KCNG3: variants seen among roughly 807,000 people sequenced by gnomAD.
KCNG3 encodes the protein voltage-gated potassium channel regulatory subunit KCNG3.
In KCNG3, 15 loss-of-function variants were observed where a neutral mutation model predicts 29.0. The ratio of observed to expected loss-of-function variants is 0.52; its 90% CI spans 0.35 to 0.80. The LOEUF (loss-of-function observed/expected upper bound fraction) is 0.80, where lower values mean the gene tolerates loss of function less well. Among genes scored for constraint, KCNG3 ranks in the 30% least tolerant of loss-of-function variants. KCNG3 has a pLI of 0.01. For synonymous variants in KCNG3, 322 were observed against 248.9 expected (o/e 1.29, Z -2.76); for missense variants, 512 against 605.7 (o/e 0.85, Z 1.62).
chr2:42,472,892 T>TAA, intron 1 of KCNG3, among the ~76,000 whole-genome samples: 1 of 98,780 alleles, frequency 1.0e-5, no homozygotes, highest in African/African-American at 4.3e-5. Flanking sequence ...TATCGATAGA[T>TAA]ATATATATAT....
chr2:42,409,214 C>G, the KCNG3 span, among the ~76,000 whole-genome samples: 2 of 151,998 alleles, frequency 1.3e-5, no homozygotes, highest in Non-Finnish European at 1.5e-5. Flanking sequence ...CCAGCGGGCC[C>G]GAGCAAAACT....
At chr2:42,490,998 C>CA (rs1281075109) in intron 1 of KCNG3, among the ~76,000 whole-genome samples, 1 of 152,186 alleles carries the variant, frequency 6.6e-6, no homozygotes, top group African/African-American at 2.4e-5. Flanking sequence ...TACCTACACT[C>CA]AGACAGTGAA....
At chr2:42,485,053 A>C (rs1457810810) in intron 1 of KCNG3, among the ~76,000 whole-genome samples, 1 of 152,214 alleles carries the variant, frequency 6.6e-6, no homozygotes, top group African/African-American at 2.4e-5. Context: ...ATTGAACTGA[A>C]AGGCAATCGA....
chr2:42,404,075 C>T, the KCNG3 span, among the ~76,000 whole-genome samples: 8 of 152,210 alleles, frequency 5.3e-5, no homozygotes, highest in Middle Eastern at 3.4e-3. Flanking sequence ...CTGGGAAAAC[C>T]GGCCCATAAA....
intron 1 of KCNG3, among the ~76,000 whole-genome samples, chr2:42,461,619 G>T (rs556029776): frequency 6.6e-6 from 1 of 152,212 alleles, no homozygotes; most frequent in South Asian, 2.1e-4. Context: ...TCTCCACTCC[G>T]GGTGGGCCCC....
the KCNG3 span, among the ~76,000 whole-genome samples, chr2:42,407,502 C>G: frequency 6.6e-6 from 1 of 152,184 alleles, no homozygotes; most frequent in East Asian, 1.9e-4. Context: ...GGCTGCACAC[C>G]CTGTGGAGCC....
At chr2:42,408,619 C>G in the KCNG3 span, among the ~76,000 whole-genome samples, 1 of 152,178 alleles carries the variant, frequency 6.6e-6, no homozygotes, top group Non-Finnish European at 1.5e-5. Flanking sequence ...GAGCTGCCCC[C>G]TGTGGTAGAC....
At chr2:42,392,287 AC>A in the KCNG3 span, among the ~76,000 whole-genome samples, 626 of 152,092 alleles carry the variant, frequency 4.1e-3, 2 homozygotes, top group Non-Finnish European at 6.9e-3. Flanking sequence ...CTGCCAGGTC[AC>A]CTGGTCCCTT....
chr2:42,471,248 A>C (rs1673281835), intron 1 of KCNG3, among the ~76,000 whole-genome samples: 1 of 152,094 alleles, frequency 6.6e-6, no homozygotes, highest in African/African-American at 2.4e-5. Context: ...CATAATAATC[A>C]AAAAGTAAAA....
chr2:42,427,581 G>C, the KCNG3 span, among the ~76,000 whole-genome samples: 1 of 151,580 alleles, frequency 6.6e-6, no homozygotes, highest in Non-Finnish European at 1.5e-5. Flanking sequence ...ACTCAAGCCT[G>C]GCATCAGAGT....
At chr2:42,429,713 C>A in the KCNG3 span, among the ~76,000 whole-genome samples, 3 of 152,288 alleles carry the variant, frequency 2.0e-5, no homozygotes, top group Admixed American at 2.0e-4. Flanking sequence ...GGGAGCCTAG[C>A]TTTTAAAACC....
At chr2:42,445,725 T>G (rs970462227) in intron 1 of KCNG3, among the ~76,000 whole-genome samples, 2 of 99,546 alleles carry the variant, frequency 2.0e-5, no homozygotes, top group Admixed American at 2.7e-4. Flanking sequence ...AGTCAAGGGA[T>G]AGGATTCCTT....
downstream of KCNG3, among the ~76,000 whole-genome samples, chr2:42,441,584 C>T (rs1672478807): frequency 1.3e-5 from 2 of 151,802 alleles, no homozygotes; most frequent in Admixed American, 6.6e-5. Flanking sequence ...CTAGTATTTA[C>T]CCAACATGCT....
the KCNG3 span, among the ~76,000 whole-genome samples, chr2:42,424,408 G>A: frequency 6.8e-6 from 1 of 146,784 alleles, no homozygotes; most frequent in Non-Finnish European, 1.5e-5. Flanking sequence ...GTTCGGGATA[G>A]ACTATGAAAA....
intron 1 of KCNG3, among the ~76,000 whole-genome samples, chr2:42,455,544 T>C (rs1672856454): frequency 6.6e-6 from 1 of 152,202 alleles, no homozygotes; most frequent in African/African-American, 2.4e-5. Flanking sequence ...GAGAACTGCT[T>C]GAGCCCAGGA....
the KCNG3 span, among the ~76,000 whole-genome samples, chr2:42,434,647 CA>C: frequency 1.3e-5 from 1 of 77,096 alleles, no homozygotes; most frequent in East Asian, 4.0e-4. Context: ...GCCTAAGCAA[CA>C]AGAGTGAAAC....
downstream of KCNG3, among the ~76,000 whole-genome samples, chr2:42,439,896 G>A (rs529737083): frequency 3.1e-4 from 47 of 152,180 alleles, no homozygotes; most frequent in Non-Finnish European, 4.9e-4. Context: ...ACCCGCCTCG[G>A]CCTCCCAAAG....
At chr2:42,473,433 T>A (rs1393013928) in intron 1 of KCNG3, among the ~76,000 whole-genome samples, 1 of 151,860 alleles carries the variant, frequency 6.6e-6, no homozygotes, top group Non-Finnish European at 1.5e-5. Flanking sequence ...CACTGCAACC[T>A]CCGCCTCCCA....
chr2:42,388,450 G>C, the KCNG3 span: 3 of 152,214 alleles, frequency 2.0e-5, no homozygotes, highest in African/African-American at 7.2e-5. Flanking sequence ...CATACTCACT[G>C]TCTTAGCTTG....
Sources: gnomAD v4.1 joint callset for allele counts (sites outside exome capture counted in the v4.1 genomes callset) on GRCh38, gnomAD v4.1.1 for gene constraint, MANE v1.5 for transcripts, NCBI Gene and HGNC (gene_info 2026-07-23, HGNC 2026-07-21) for gene names.